Variants in SLC27A6 observed in about 807,000 individuals in gnomAD.
SLC27A6 encodes the protein solute carrier family 27 member 6.
Under a neutral mutation model 63.9 loss-of-function variants are expected in SLC27A6, and 74 were observed. The observed-to-expected ratio is 1.16, with a 90% CI of 0.96 to 1.40. The LOEUF (loss-of-function observed/expected upper bound fraction) is 1.40, where lower values mean the gene tolerates loss of function less well. SLC27A6 is among the 40% of genes most tolerant of loss of function. SLC27A6 has a pLI of 0.00. For missense variants in SLC27A6, 794 were observed against 732.9 expected, an observed-to-expected ratio of 1.08 and a Z score of -0.96; for synonymous variants, 287 against 260.8, an observed-to-expected ratio of 1.10 and a Z score of -0.97.
chr5:129,028,519 C>A, intron 8 of SLC27A6, 77 bp downstream of exon 8: 1 of 839,198 alleles, frequency 1.2e-6, no homozygotes, highest in Non-Finnish European at 1.9e-6. Context: ...AACAGTCTTG[C>A]TAATTCAACA....
intron 4 of SLC27A6, among the ~76,000 whole-genome samples, chr5:129,010,289 A>C (rs2150146999): frequency 6.6e-6 from 1 of 152,314 alleles, no homozygotes; most frequent in East Asian, 1.9e-4. Flanking sequence ...GGTAGGCAAA[A>C]AAAATACAAA....
chr5:128,966,337 A>G lies in SLC27A6; in HGVS notation c.200A>G (p.Gln67Arg). 4 of 1,614,168 alleles carry G rather than the reference A, an allele frequency of 2.5e-6. No homozygotes were observed. Among genetic ancestry groups the G allele is most frequent in the Non-Finnish European group, 3.4e-6 (4 of 1,180,010 alleles). Residue 67 changes from glutamine to arginine, a missense_variant, in exon 1 of 10, where the codon CAA becomes CGA. Physicochemically the swap from Gln to Arg is conservative, Grantham distance 43. Transcript: ENST00000262462. ...AAATTCTTGAGTCATGCCAAAAGAC[A>G]ACCTCGGAAACCTTTCATCATCTAT... Reference protein sequence around the residue: ...LDKFLSHAKRQPRKPFIIYEG... With the variant: ...LDKFLSHAKRRPRKPFIIYEG...
At chr5:129,030,864 C>T (rs966189753) in intron 9 of SLC27A6, among the ~76,000 whole-genome samples, 4 of 151,950 alleles carry the variant, frequency 2.6e-5, no homozygotes, top group African/African-American at 7.2e-5. Context: ...GTTTTATCAC[C>T]TGTGCAACTT....
intron 1 of SLC27A6, among the ~76,000 whole-genome samples, chr5:128,984,603 C>T (rs536702043): frequency 6.6e-6 from 1 of 152,158 alleles, no homozygotes; most frequent in African/African-American, 2.4e-5. Flanking sequence ...CCTCTCTCTC[C>T]CACCCTCCCC....
chr5:129,007,834 C>T (rs948820565), intron 4 of SLC27A6, among the ~76,000 whole-genome samples: 5 of 151,970 alleles, frequency 3.3e-5, no homozygotes, highest in African/African-American at 1.2e-4. Context: ...TAATGATGAA[C>T]ATTTAAGAAC....
chr5:128,990,319 T>A, intron 3 of SLC27A6, 21 bp from the exon 4 acceptor site: 2 of 1,605,972 alleles, frequency 1.2e-6, no homozygotes, highest in Non-Finnish European at 8.5e-7. Context: ...CCCTAGTGCC[T>A]GTTTTTGTCT....
intron 4 of SLC27A6, among the ~76,000 whole-genome samples, chr5:129,015,378 C>T (rs1408751718): frequency 6.6e-6 from 1 of 152,056 alleles, no homozygotes; most frequent in African/African-American, 2.4e-5. Context: ...CTCAAATTGT[C>T]GTTTACTCTA....
chr5:129,000,950 A>G (rs1050024792), intron 4 of SLC27A6, among the ~76,000 whole-genome samples: 2 of 152,320 alleles, frequency 1.3e-5, no homozygotes, highest in East Asian at 1.9e-4. Flanking sequence ...AGCAGTTCCT[A>G]TCCCTGTACT....
At chr5:128,969,685 A>C (rs1750060925) in intron 1 of SLC27A6, among the ~76,000 whole-genome samples, 1 of 152,156 alleles carries the variant, frequency 6.6e-6, no homozygotes, top group Non-Finnish European at 1.5e-5. Flanking sequence ...GGGTTCTCTA[A>C]ATATACAATC....
chr5:129,020,242 A>G (rs1752030742), intron 5 of SLC27A6, among the ~76,000 whole-genome samples: 1 of 152,182 alleles, frequency 6.6e-6, no homozygotes, highest in Admixed American at 6.5e-5. Flanking sequence ...AAGTTTTAAG[A>G]AATCAGAAAC....
chr5:129,033,303 T>G lies in SLC27A6; in HGVS notation c.*21T>G, dbSNP rs1752469815. ...TTTAAGATTTTTATATCTAGAACTT[T>G]CATATGCTTTCTTAGGAAGAGTGAG... On this transcript the variant is annotated 3_prime_UTR_variant, in exon 10 of 10. Transcript: ENST00000262462. 6.9e-7 allele frequency: 1 copy of G among 1,441,286 alleles called. No homozygotes were observed. The highest frequency in any genetic ancestry group is 9.5e-7 in the Non-Finnish European group (1 of 1,057,688). The allele number at this position is 1,441,286 out of a possible 1,614,324, so 89.3% of individuals were successfully genotyped here.
At chr5:128,982,170 G>T (rs1750616965) in intron 1 of SLC27A6, among the ~76,000 whole-genome samples, 1 of 152,056 alleles carries the variant, frequency 6.6e-6, no homozygotes, top group African/African-American at 2.4e-5. Flanking sequence ...TCCCCTGCAT[G>T]ACTCTTCTTT....
In SLC27A6 at chr5:128,969,111, C is replaced by T. The variant is rs527555398; in HGVS notation, c.481+2493C>T. Reference sequence around the variant, plus strand: ...TTATTTCTGAGGGCTCTGTTCTGCTCCGTTGGTCTATATCTCTGTTTTGGT... The same window carrying T: ...TTATTTCTGAGGGCTCTGTTCTGCTTCGTTGGTCTATATCTCTGTTTTGGT... On this transcript the variant is annotated intron_variant, in intron 1 of 9. Coordinates refer to ENST00000262462, the MANE Select transcript of SLC27A6 (RefSeq NM_001017372.3). 4.5e-4 allele frequency among the ~76,000 whole-genome samples: 68 copies of T among 152,212 alleles called. 1 individual carries two copies. The South Asian group carries it at 0.014, about 31-fold the overall frequency.
In SLC27A6 at chr5:128,966,205, T is replaced by A. The variant is rs112920251; in HGVS notation, c.68T>A (p.Leu23Gln). ...GTCCTGCACTTCTTGCAGAAACTCC[T>A]GTTCCCTTACTTTTGGGATGACTTC... ...MVVLHFLQKL[L>Q]FPYFWDDFWF... Residue 23 changes from leucine (L) to glutamine (Q), a missense_variant, in exon 1 of 10, where the codon CTG (leucine) becomes CAG (glutamine). Transcript: ENST00000262462. 1.9e-6 allele frequency: 3 copies of A among 1,606,296 alleles called. No individual in the cohort carries two copies. The African/African-American group carries it at 4.0e-5, about 22-fold the overall frequency.
chr5:129,024,761 A>G (rs1752181546), intron 6 of SLC27A6, among the ~76,000 whole-genome samples: 1 of 152,280 alleles, frequency 6.6e-6, no homozygotes. Flanking sequence ...ATTAATTTGT[A>G]TTGCCTTAAA....
chr5:129,028,839 CT>C (rs1338620826), intron 8 of SLC27A6, among the ~76,000 whole-genome samples: 1 of 151,834 alleles, frequency 6.6e-6, no homozygotes, highest in African/African-American at 2.4e-5. Context: ...TAAGATGGCT[CT>C]TTATAAAAAT....
chr5:128,993,886 T>C (rs1363990368), intron 4 of SLC27A6, among the ~76,000 whole-genome samples: 2 of 152,118 alleles, frequency 1.3e-5, no homozygotes, highest in Non-Finnish European at 2.9e-5. Flanking sequence ...GGTGGGCAGA[T>C]CACTTGAGGT....
chr5:128,977,768 G>T (rs1258508339), intron 1 of SLC27A6, among the ~76,000 whole-genome samples: 1 of 152,098 alleles, frequency 6.6e-6, no homozygotes, highest in Admixed American at 6.6e-5. Flanking sequence ...AATCTATGAA[G>T]TACTTTAAAA....
chr5:129,002,250 CAT>C (rs1328113585), intron 4 of SLC27A6, among the ~76,000 whole-genome samples: 1 of 152,180 alleles, frequency 6.6e-6, no homozygotes, highest in Non-Finnish European at 1.5e-5. Flanking sequence ...TGTATGCAAA[CAT>C]ATAAGCATCT....
Sources: gnomAD v4.1 joint callset for allele counts (sites outside exome capture counted in the v4.1 genomes callset) on GRCh38, gnomAD v4.1.1 for gene constraint, MANE v1.5 for transcripts, NCBI Gene and HGNC (gene_info 2026-07-23, HGNC 2026-07-21) for gene names.